PRKD1: variants seen among roughly 807,000 people sequenced by gnomAD.
PRKD1 encodes protein kinase D1, also known as serine/threonine-protein kinase D1.
PRKD1 carries 63 observed loss-of-function variants against 95.9 expected under a neutral mutation model. The ratio of observed to expected loss-of-function variants is 0.66; its 90% confidence interval spans 0.54 to 0.81. The LOEUF (loss-of-function observed/expected upper bound fraction) is 0.81. Among genes scored for constraint, PRKD1 ranks in the 30% least tolerant of loss-of-function variants. The probability of loss-of-function intolerance (pLI) is 0.00; values close to 1 mark genes in which losing one functional copy is unlikely to be tolerated. For missense variants in PRKD1, 1,048 were observed against 1,165.3 expected (o/e 0.90, Z 1.47); for synonymous variants, 425 against 423.1 (o/e 1.00, Z -0.05).
At chr14:29,593,586 T>C (rs899028799) in intron 16 of PRKD1, among the ~76,000 whole-genome samples, 2 of 152,186 alleles carry the variant, frequency 1.3e-5, no homozygotes, top group Non-Finnish European at 2.9e-5. Flanking sequence ...TTCTGATTCA[T>C]GGACAATAAG....
intron 1 of PRKD1, among the ~76,000 whole-genome samples, chr14:29,729,233 A>G (rs1466710328): frequency 1.3e-5 from 2 of 152,090 alleles, no homozygotes; most frequent in Non-Finnish European, 2.9e-5. Flanking sequence ...ATTCTGGAAG[A>G]TTTGTACAGA....
At chr14:29,673,666 C>A (rs1006308627) in intron 2 of PRKD1, among the ~76,000 whole-genome samples, 2 of 152,358 alleles carry the variant, frequency 1.3e-5, no homozygotes, top group African/African-American at 4.8e-5. Flanking sequence ...CGTAGTTAAA[C>A]ATGTTGCTTC....
At chr14:29,801,371 C>G (rs1004798238) in intron 1 of PRKD1, among the ~76,000 whole-genome samples, 1 of 152,186 alleles carries the variant, frequency 6.6e-6, no homozygotes, top group African/African-American at 2.4e-5. Flanking sequence ...CTGGCCTCCA[C>G]AGCCTGGCTA....
At chr14:29,660,426 C>A (rs952906765) in intron 4 of PRKD1, among the ~76,000 whole-genome samples, 3 of 152,194 alleles carry the variant, frequency 2.0e-5, no homozygotes, top group Non-Finnish European at 4.4e-5. Context: ...GATACTTCTT[C>A]ATTGTAGGAG....
At chr14:29,687,587 T>G (rs1378774163) in intron 2 of PRKD1, among the ~76,000 whole-genome samples, 1 of 152,218 alleles carries the variant, frequency 6.6e-6, no homozygotes, top group Non-Finnish European at 1.5e-5. Flanking sequence ...CCGAACTTAC[T>G]TGGCGTGGAG....
intron 2 of PRKD1, among the ~76,000 whole-genome samples, chr14:29,710,965 GGAGACCAAGAATA>G (rs988677638): frequency 3.3e-5 from 5 of 152,068 alleles, no homozygotes; most frequent in African/African-American, 1.2e-4. Context: ...AAGTACTCCA[GGAGACCAAGAATA>G]GATTTCAGTC....
At chr14:29,914,821 G>A (rs998689753) in intron 1 of PRKD1, among the ~76,000 whole-genome samples, 1 of 151,262 alleles carries the variant, frequency 6.6e-6, no homozygotes, top group Non-Finnish European at 1.5e-5. Context: ...CGCCCAGGCT[G>A]GAGTGCAGTG....
intron 4 of PRKD1, among the ~76,000 whole-genome samples, chr14:29,654,194 C>CA (rs1566516790): frequency 6.6e-6 from 1 of 151,708 alleles, no homozygotes; most frequent in East Asian, 1.9e-4. Flanking sequence ...TTTTTTGAGA[C>CA]AGAGTCTCAT....
In PRKD1 at chr14:29,916,656, G is replaced by C. The variant is rs1009920416; in HGVS notation, c.264+10593C>G. ...TTGGTCACCCATGTTCTTACTTGCAGATTTCCATATTAGAGACACAGACCA... is the reference window on the plus strand; with the variant it reads ...TTGGTCACCCATGTTCTTACTTGCACATTTCCATATTAGAGACACAGACCA... On this transcript the variant is annotated intron_variant, in intron 1 of 17. Transcript: ENST00000331968. Among the ~76,000 whole-genome samples, 4 of 152,162 alleles carry C rather than the reference G, an allele frequency of 2.6e-5. No individual in the cohort carries two copies. In the South Asian group the frequency reaches 6.2e-4, roughly 24 times the overall value.
intron 2 of PRKD1, among the ~76,000 whole-genome samples, chr14:29,721,803 G>A (rs1885909606): frequency 6.6e-6 from 1 of 152,096 alleles, no homozygotes; most frequent in Non-Finnish European, 1.5e-5. Flanking sequence ...GAACTTTCAT[G>A]CAGTTGTTAT....
chr14:29,832,055 T>C (rs543029294), intron 1 of PRKD1, among the ~76,000 whole-genome samples: 16 of 152,308 alleles, frequency 1.1e-4, no homozygotes, highest in African/African-American at 3.8e-4. Flanking sequence ...ACAGTGGATA[T>C]ATTAGCACAC....
chr14:29,615,111 A>G (rs1233177035), intron 13 of PRKD1, among the ~76,000 whole-genome samples: 1 of 152,170 alleles, frequency 6.6e-6, no homozygotes, highest in Non-Finnish European at 1.5e-5. Context: ...TTCTGTAGGG[A>G]AAGTGGAATA....
intron 4 of PRKD1, among the ~76,000 whole-genome samples, chr14:29,650,988 T>A (rs796963974): frequency 6.6e-6 from 1 of 152,214 alleles, no homozygotes; most frequent in Non-Finnish European, 1.5e-5. Flanking sequence ...TTCTATTTCA[T>A]AAGGACAATC....
At chr14:29,712,401 A>G (rs1475605837) in intron 2 of PRKD1, among the ~76,000 whole-genome samples, 2 of 152,262 alleles carry the variant, frequency 1.3e-5, no homozygotes, top group South Asian at 2.1e-4. Context: ...TAAAAATAGA[A>G]TAAGATGAGA....
intron 1 of PRKD1, among the ~76,000 whole-genome samples, chr14:29,891,927 T>C (rs1189466433): frequency 6.6e-6 from 1 of 152,174 alleles, no homozygotes; most frequent in Non-Finnish European, 1.5e-5. Flanking sequence ...TTTTCCCTAC[T>C]CACCTCTTAA....
At chr14:29,856,034 G>C (rs1055844685) in intron 1 of PRKD1, among the ~76,000 whole-genome samples, 8 of 152,130 alleles carry the variant, frequency 5.3e-5, no homozygotes, top group Non-Finnish European at 1.5e-5. Flanking sequence ...CATCATAATA[G>C]AGTCATTCTC....
At chr14:29,739,978 T>C (rs537225323) in intron 1 of PRKD1, among the ~76,000 whole-genome samples, 5 of 152,192 alleles carry the variant, frequency 3.3e-5, no homozygotes, top group Non-Finnish European at 7.4e-5. Context: ...TATATAATTT[T>C]TAAGTTTTAA....
At chr14:29,642,633 T>C (rs1712450021) in intron 4 of PRKD1, among the ~76,000 whole-genome samples, 1 of 152,198 alleles carries the variant, frequency 6.6e-6, no homozygotes, top group African/African-American at 2.4e-5. Context: ...TGTATGTTTA[T>C]TATACATAAA....
At chr14:29,813,523 A>G (rs1160605777) in intron 1 of PRKD1, among the ~76,000 whole-genome samples, 1 of 152,186 alleles carries the variant, frequency 6.6e-6, no homozygotes, top group African/African-American at 2.4e-5. Context: ...TAGATGCCCA[A>G]ATGAGATTAT....
Sources: gnomAD v4.1 joint callset for allele counts (sites outside exome capture counted in the v4.1 genomes callset) on GRCh38, gnomAD v4.1.1 for gene constraint, MANE v1.5 for transcripts, NCBI Gene and HGNC (gene_info 2026-07-23, HGNC 2026-07-21) for gene names.